Variants in ZNF131 observed in about 807,000 individuals in gnomAD.
The protein encoded by ZNF131 is zinc finger protein 131.
Under a neutral mutation model 60.0 loss-of-function variants are expected in ZNF131, and 7 were observed. That is an observed-to-expected ratio of 0.12 (90% CI 0.07 to 0.22). ZNF131 has a LOEUF of 0.22. Among genes scored for constraint, ZNF131 ranks in the 10% least tolerant of loss-of-function variants. The probability of loss-of-function intolerance (pLI) is 1.00; values close to 1 mark genes in which losing one functional copy is unlikely to be tolerated. For synonymous variants in ZNF131, 257 were observed against 253.2 expected, an observed-to-expected ratio of 1.01 and a Z score of -0.14; for missense variants, 493 against 740.9, an observed-to-expected ratio of 0.67 and a Z score of 3.88.
chr5:43,160,008 C>G (rs1422622329), intron 4 of ZNF131, among the ~76,000 whole-genome samples: 1 of 151,988 alleles, frequency 6.6e-6, no homozygotes, highest in African/African-American at 2.4e-5. Flanking sequence ...AACCCCATCT[C>G]TACTAAAAAT....
intron 1 of ZNF131, 22 bp from the exon 2 acceptor site, chr5:43,122,017 T>A: frequency 6.2e-7 from 1 of 1,611,946 alleles, no homozygotes; most frequent in South Asian, 1.1e-5. Flanking sequence ...TGGGTGTACA[T>A]TATCATGCTC....
intron 3 of ZNF131, among the ~76,000 whole-genome samples, chr5:43,132,002 T>C (rs1024919454): frequency 8.0e-6 from 1 of 124,260 alleles, no homozygotes; most frequent in East Asian, 2.9e-4. Context: ...CTTCATAGAG[T>C]TGTTATGAGA....
At chr5:43,135,156 G>C (rs1036253858) in intron 3 of ZNF131, among the ~76,000 whole-genome samples, 3 of 151,378 alleles carry the variant, frequency 2.0e-5, no homozygotes, top group South Asian at 2.1e-4. Context: ...GCACCACCAC[G>C]CCTGGCTAAT....
intron 5 of ZNF131, among the ~76,000 whole-genome samples, chr5:43,167,155 G>A (rs1561445863): frequency 6.6e-6 from 1 of 152,086 alleles, no homozygotes; most frequent in Non-Finnish European, 1.5e-5. Flanking sequence ...TGGGTTCAGG[G>A]CACCCCAAAA....
intron 4 of ZNF131, chr5:43,143,496 G>T: frequency 9.3e-7 from 1 of 1,079,190 alleles, no homozygotes; most frequent in Non-Finnish European, 1.3e-6. Context: ...TATCCCACTG[G>T]AACTAGTTTA....
At chr5:43,135,305 T>C (rs1745931701) in intron 3 of ZNF131, among the ~76,000 whole-genome samples, 1 of 151,190 alleles carries the variant, frequency 6.6e-6, no homozygotes, top group African/African-American at 2.4e-5. Flanking sequence ...ATCAATTGCA[T>C]TTTTATACAC....
At chr5:43,132,561 A>G (rs540798969) in intron 3 of ZNF131, among the ~76,000 whole-genome samples, 2 of 131,902 alleles carry the variant, frequency 1.5e-5, no homozygotes, top group South Asian at 2.4e-4. Flanking sequence ...CCCAGCCTAG[A>G]TTGCAGTGGC....
chr5:43,136,170 G>A (rs1746059845), intron 3 of ZNF131, among the ~76,000 whole-genome samples: 1 of 152,146 alleles, frequency 6.6e-6, no homozygotes, highest in Non-Finnish European at 1.5e-5. Flanking sequence ...ATGACTCAAC[G>A]GAAATGCTTG....
intron 5 of ZNF131, among the ~76,000 whole-genome samples, chr5:43,162,187 A>G (rs991612400): frequency 1.3e-5 from 2 of 152,238 alleles, no homozygotes; most frequent in Admixed American, 6.5e-5. Context: ...AATAGAGAAA[A>G]TAGTTTGTGA....
chr5:43,167,951 C>G (rs1029308798), intron 5 of ZNF131: 1 of 453,050 alleles, frequency 2.2e-6, no homozygotes, highest in African/African-American at 2.0e-5. Context: ...AAGAAGTTCA[C>G]TGTTATGAGG....
chr5:43,174,666 A>G lies in ZNF131; in HGVS notation c.1405A>G (p.Met469Val). Reference sequence around the variant, plus strand: ...TGTGCAAACTGAACCTGTAACATCAATGACTATTATAGAACAAGTTGGGAA... The same window carrying G: ...TGTGCAAACTGAACCTGTAACATCAGTGACTATTATAGAACAAGTTGGGAA... ...TRVQTEPVTSMTIIEQVGKVH... is the reference protein window; with the variant it reads ...TRVQTEPVTSVTIIEQVGKVH... The change falls in exon 7 of 7, where the codon ATG becomes GTG. Residue 469 changes from methionine to valine, a missense_variant. Around this residue, in one of 7 missense-constraint regions of ZNF131, gnomAD observed 202 missense variants for 221.3 expected, o/e 0.91. Coordinates refer to ENST00000682664, the MANE Select transcript of ZNF131 (RefSeq NM_001330707.2). The G allele has an allele frequency of 8.7e-6, 14 of 1,614,224 alleles. No homozygotes were observed. The highest frequency in any genetic ancestry group is 1.2e-5 in the Non-Finnish European group (14 of 1,180,042).
chr5:43,174,608 A>C lies in ZNF131; in HGVS notation c.1347A>C (p.Leu449=). 2 of 1,614,046 alleles carry C rather than the reference A, an allele frequency of 1.2e-6. No homozygotes were observed. The highest frequency in any genetic ancestry group is 1.7e-6 in the Non-Finnish European group (2 of 1,179,936). ...LSDAHNISER[L]VTEEVLSVET... is the part of the protein sequence containing the mutation. ...ATGCTCACAATATTTCAGAGCGTCTAGTAACGGAAGAAGTTCTTTCAGTAG... is the reference window on the plus strand; with the variant it reads ...ATGCTCACAATATTTCAGAGCGTCTCGTAACGGAAGAAGTTCTTTCAGTAG... The change falls in exon 7 of 7, where the codon CTA becomes CTC. Residue 449 remains leucine (L), a synonymous_variant. Transcript: ENST00000682664.
chr5:43,175,557 T>C lies in ZNF131; in HGVS notation c.*424T>C, dbSNP rs1294547303. On this transcript the variant is annotated 3_prime_UTR_variant, in exon 7 of 7. Coordinates refer to ENST00000682664, the MANE Select transcript of ZNF131 (RefSeq NM_001330707.2). ...ATGCATGTTAGAAAATTGAATAATA[T>C]AGGAAACACAAGGCTGCATGATGAA... 7 of 665,584 alleles carry C rather than the reference T, an allele frequency of 1.1e-5. No individual in the cohort carries two copies. Among genetic ancestry groups the C allele is most frequent in the Admixed American group, 2.5e-5 (1 of 39,658 alleles). The allele number at this position is 665,584 out of a possible 1,614,324, so 41.2% of individuals were successfully genotyped here. A position where few individuals can be genotyped will look rare whatever the true frequency, so the allele number is the denominator to read the frequency against.
At chr5:43,121,914 C>T (rs960032001) in intron 1 of ZNF131, 125 bp from the exon 2 acceptor site, 11 of 1,103,702 alleles carry the variant, frequency 1.0e-5, no homozygotes, top group Admixed American at 6.2e-5. Flanking sequence ...CCTTTCTCTC[C>T]TCTTGCTTCA....
At chr5:43,148,001 C>T (rs1177881117) in intron 4 of ZNF131, among the ~76,000 whole-genome samples, 1 of 149,404 alleles carries the variant, frequency 6.7e-6, no homozygotes, top group Non-Finnish European at 1.5e-5. Context: ...TTGCAGTGAG[C>T]CAAGATCATG....
intron 3 of ZNF131, among the ~76,000 whole-genome samples, chr5:43,136,955 A>C (rs1001207311): frequency 1.3e-5 from 2 of 152,196 alleles, no homozygotes; most frequent in African/African-American, 4.8e-5. Context: ...AGAATGCACA[A>C]TAAGGAAGGA....
intron 4 of ZNF131, among the ~76,000 whole-genome samples, chr5:43,153,461 AC>A (rs1748572019): frequency 1.0e-5 from 1 of 98,014 alleles, no homozygotes; most frequent in African/African-American, 3.9e-5. Flanking sequence ...TCCCATCTCT[AC>A]TAAAAAAAAA....
chr5:43,165,867 A>G (rs751887247), intron 5 of ZNF131, among the ~76,000 whole-genome samples: 1 of 152,236 alleles, frequency 6.6e-6, no homozygotes, highest in Non-Finnish European at 1.5e-5. Context: ...TCTACATTGA[A>G]TATCTGTTGT....
At chr5:43,139,102 T>C (rs1219850876) in intron 3 of ZNF131, 63 bp from the exon 4 acceptor site, 1 of 1,331,366 alleles carries the variant, frequency 7.5e-7, no homozygotes, top group Admixed American at 2.8e-5. Flanking sequence ...TTTCTTTCTT[T>C]ACTAAACATT....
Sources: allele counts gnomAD v4.1 joint callset (sites outside exome capture counted in the v4.1 genomes callset), GRCh38; gene constraint gnomAD v4.1.1; regional missense constraint gnomAD v4.1.1; transcripts MANE v1.5; gene names NCBI Gene and HGNC (gene_info 2026-07-23, HGNC 2026-07-21).